Variants in AFF1 observed in about 807,000 individuals in gnomAD.
AFF1 encodes the protein AF4/FMR2 family member 1.
AFF1 carries 48 observed loss-of-function variants against 121.7 expected under a neutral mutation model. That is an observed-to-expected ratio of 0.39 (90% confidence interval 0.31 to 0.50). The LOEUF is 0.50. Among genes scored for constraint, AFF1 ranks in the 20% least tolerant of loss-of-function variants. AFF1 has a pLI of 0.76. For missense variants in AFF1, 1,523 were observed against 1,511.7 expected (o/e 1.01, Z -0.12); for synonymous variants, 613 against 563.0 (o/e 1.09, Z -1.26).
chr4:87,099,926 G>A (rs1725254083), intron 8 of AFF1, among the ~76,000 whole-genome samples: 1 of 152,196 alleles, frequency 6.6e-6, no homozygotes, highest in Non-Finnish European at 1.5e-5. Context: ...TAAGAGAAAG[G>A]CAGAGACTAT....
At chr4:87,067,752 A>G (rs772997107) in intron 4 of AFF1, among the ~76,000 whole-genome samples, 5 of 152,222 alleles carry the variant, frequency 3.3e-5, no homozygotes, top group Non-Finnish European at 5.9e-5. Context: ...TGTGTTTCTA[A>G]TATGTCAGAA....
chr4:87,042,354 G>T lies in AFF1; in HGVS notation c.39-3812G>T, dbSNP rs143108452. ...ATGTGACTGGCAAAACAATTTAGTT[G>T]CAAGGAGAAAGGAGGCAACCCAGAG... On this transcript the variant is annotated intron_variant, in intron 2 of 20. Transcript: ENST00000395146. Among the ~76,000 whole-genome samples, 1,330 of 152,292 alleles carry T rather than the reference G, an allele frequency of 8.7e-3. 24 individuals carry two copies. The highest frequency in any genetic ancestry group is 0.031 in the African/African-American group (1,280 of 41,564).
At chr4:86,946,471 C>T (rs1167987926) in intron 1 of AFF1, among the ~76,000 whole-genome samples, 1 of 137,214 alleles carries the variant, frequency 7.3e-6, no homozygotes, top group Non-Finnish European at 1.6e-5. Flanking sequence ...CCCACCCCCA[C>T]CTGCATCCCT....
chr4:86,972,895 A>G (rs1042300864), intron 2 of AFF1, among the ~76,000 whole-genome samples: 3 of 152,166 alleles, frequency 2.0e-5, no homozygotes, highest in African/African-American at 4.8e-5. Flanking sequence ...TAATGTGGCT[A>G]CTTGCAAATT....
intron 2 of AFF1, among the ~76,000 whole-genome samples, chr4:87,029,031 C>G (rs1728809740): frequency 6.6e-6 from 1 of 152,106 alleles, no homozygotes; most frequent in South Asian, 2.1e-4. Context: ...AGTGTCCTCC[C>G]AGGTAAATTA....
chr4:87,085,927 C>T (rs1030428089), intron 5 of AFF1, among the ~76,000 whole-genome samples: 21 of 152,080 alleles, frequency 1.4e-4, no homozygotes, highest in East Asian at 1.9e-4. Context: ...TTAGTAGAGA[C>T]GGTGTTTCAC....
At chr4:87,008,355 A>G (rs1726385028) in intron 2 of AFF1, among the ~76,000 whole-genome samples, 1 of 152,226 alleles carries the variant, frequency 6.6e-6, no homozygotes, top group Admixed American at 6.5e-5. Flanking sequence ...AATGGATGTT[A>G]AATGTTCATG....
At chr4:87,025,788 G>A (rs1482712878) in intron 2 of AFF1, among the ~76,000 whole-genome samples, 1 of 152,130 alleles carries the variant, frequency 6.6e-6, no homozygotes, top group East Asian at 1.9e-4. Flanking sequence ...TGCAGGTTTC[G>A]CCTAGTTCCT....
At position 87,137,214 on chromosome 4, in the gene AFF1, C is replaced by T. The variant is rs1729372208; in HGVS notation, c.*1513C>T. On this transcript the variant is annotated 3_prime_UTR_variant, in exon 21 of 21. Coordinates refer to ENST00000395146, the MANE Select transcript of AFF1 (RefSeq NM_001166693.3). ...TTACTACAATTGAGGAGTGTCATCTCTATAACTTTTTCTCCGCCTTTGTCC... is the reference window on the plus strand; with the variant it reads ...TTACTACAATTGAGGAGTGTCATCTTTATAACTTTTTCTCCGCCTTTGTCC... 1 of 228,322 alleles carries T rather than the reference C, an allele frequency of 4.4e-6. No homozygotes were observed. Among genetic ancestry groups the T allele is most frequent in the Non-Finnish European group, 8.7e-6 (1 of 114,852 alleles). 14.1% of individuals were successfully genotyped at this position (228,322 alleles called of 1,614,324 possible).
At chr4:87,061,724 C>A (rs7660883) in intron 4 of AFF1, among the ~76,000 whole-genome samples, 1 of 151,870 alleles carries the variant, frequency 6.6e-6, no homozygotes, top group African/African-American at 2.4e-5. Flanking sequence ...ATGTTCTCTC[C>A]GTCAATTCAA....
At chr4:87,097,278 A>G (rs1013818510) in intron 8 of AFF1, among the ~76,000 whole-genome samples, 31 of 152,290 alleles carry the variant, frequency 2.0e-4, no homozygotes, top group African/African-American at 6.7e-4. Context: ...TTGGGTAGTG[A>G]CTGTGTCTCT....
chr4:87,095,804 T>TA (rs11409573), intron 8 of AFF1, among the ~76,000 whole-genome samples: 27,853 of 152,054 alleles, frequency 0.18, 2,751 homozygotes, highest in Middle Eastern at 0.32. Context: ...ATTGAACTCT[T>TA]ACTACTTTAC....
At chr4:87,073,030 TAA>T (rs1291286215) in intron 4 of AFF1, among the ~76,000 whole-genome samples, 1 of 151,680 alleles carries the variant, frequency 6.6e-6, no homozygotes, top group Non-Finnish European at 1.5e-5. Flanking sequence ...AAAAGATAAT[TAA>T]GTCTATCTAA....
intron 12 of AFF1, among the ~76,000 whole-genome samples, chr4:87,115,597 C>G (rs748562205): frequency 1.0e-5 from 1 of 99,130 alleles, no homozygotes; most frequent in Non-Finnish European, 2.1e-5. Flanking sequence ...TAGGGCCGCC[C>G]CCAACCCACC....
chr4:87,126,602 G>A (rs1480971019), intron 14 of AFF1, among the ~76,000 whole-genome samples: 1 of 152,172 alleles, frequency 6.6e-6, no homozygotes, highest in African/African-American at 2.4e-5. Context: ...TTGTTAGGGT[G>A]TTTTACAGTA....
intron 2 of AFF1, among the ~76,000 whole-genome samples, chr4:87,000,342 CTG>C (rs1378220544): frequency 6.6e-6 from 1 of 152,134 alleles, no homozygotes; most frequent in Non-Finnish European, 1.5e-5. Context: ...CAAGGAAAAA[CTG>C]AGAAATAATG....
chr4:87,105,266 G>A (rs1048749018), intron 8 of AFF1, among the ~76,000 whole-genome samples: 1 of 152,120 alleles, frequency 6.6e-6, no homozygotes, highest in African/African-American at 2.4e-5. Context: ...TTGTTTGCAT[G>A]GACCCTGACT....
chr4:87,018,904 G>A (rs950793311), intron 2 of AFF1, among the ~76,000 whole-genome samples: 1 of 152,204 alleles, frequency 6.6e-6, no homozygotes, highest in African/African-American at 2.4e-5. Context: ...AAGGGATGTG[G>A]TAGAATTTAG....
At chr4:86,951,375 C>CAA (rs5860045) in intron 2 of AFF1, among the ~76,000 whole-genome samples, 11,786 of 147,512 alleles carry the variant, frequency 0.08, 1,274 homozygotes, top group African/African-American at 0.25. Context: ...CTTGATGTCA[C>CAA]AAAAAAAAAA....
Sources: gnomAD v4.1 joint callset for allele counts (sites outside exome capture counted in the v4.1 genomes callset) on GRCh38, gnomAD v4.1.1 for gene constraint, MANE v1.5 for transcripts, NCBI Gene and HGNC (gene_info 2026-07-23, HGNC 2026-07-21) for gene names.